Variants in WASF2 observed in about 807,000 individuals in gnomAD.
WASF2 encodes actin-binding protein WASF2.
WASF2 carries 14 observed loss-of-function variants against 45.0 expected under a neutral mutation model. That is an observed-to-expected ratio of 0.31 (90% CI 0.21 to 0.49). The LOEUF (loss-of-function observed/expected upper bound fraction) is 0.49. Ranked by LOEUF, WASF2 falls within the 20% of genes least tolerant of loss-of-function variation. The probability of loss-of-function intolerance (pLI) is 0.99; values close to 1 mark genes in which losing one functional copy is unlikely to be tolerated. For synonymous variants in WASF2, 200 were observed against 236.3 expected (o/e 0.85, Z 1.41); for missense variants, 439 against 636.1 (o/e 0.69, Z 3.33).
intron 2 of WASF2, among the ~76,000 whole-genome samples, chr1:27,420,555 C>G (rs767402788): frequency 5.9e-4 from 65 of 110,164 alleles, no homozygotes; most frequent in Non-Finnish European, 1.0e-3. Context: ...GAGTCTTGCT[C>G]TATCCCCCAG....
intron 1 of WASF2, among the ~76,000 whole-genome samples, chr1:27,486,566 C>T (rs1295076458): frequency 6.6e-6 from 1 of 152,118 alleles, no homozygotes; most frequent in Non-Finnish European, 1.5e-5. Context: ...TTTCAAGTGA[C>T]GGTGATATTT....
At chr1:27,420,469 A>C (rs2016890591) in intron 2 of WASF2, among the ~76,000 whole-genome samples, 1 of 149,840 alleles carries the variant, frequency 6.7e-6, no homozygotes, top group Non-Finnish European at 1.5e-5. Flanking sequence ...GCACATTCTT[A>C]CTAGGAATGA....
intron 1 of WASF2, among the ~76,000 whole-genome samples, chr1:27,454,183 A>ATTTTT (rs2017433113): frequency 1.2e-4 from 1 of 8,480 alleles, no homozygotes; most frequent in African/African-American, 3.0e-4. Context: ...ATATATATAT[A>ATTTTT]TATATTTTTT....
chr1:27,467,517 G>A (rs1489301564), intron 1 of WASF2, among the ~76,000 whole-genome samples: 1 of 149,748 alleles, frequency 6.7e-6, no homozygotes. Flanking sequence ...TAGCCAGGAT[G>A]GTCTCAATCT....
intron 1 of WASF2, among the ~76,000 whole-genome samples, chr1:27,479,336 G>A (rs2017814733): frequency 6.6e-6 from 1 of 151,632 alleles, no homozygotes; most frequent in South Asian, 2.1e-4. Context: ...CTGTAATCTT[G>A]GCAGCACCTT....
chr1:27,455,587 C>T (rs529145352), intron 1 of WASF2, among the ~76,000 whole-genome samples: 1 of 152,320 alleles, frequency 6.6e-6, no homozygotes, highest in Admixed American at 6.5e-5. Context: ...CTGGCCACAC[C>T]TTTCCAATGC....
At chr1:27,413,137 C>T (rs866176828) in intron 6 of WASF2, among the ~76,000 whole-genome samples, 1 of 152,288 alleles carries the variant, frequency 6.6e-6, no homozygotes. Context: ...GTGACTGGCA[C>T]ACAGACTGAT....
chr1:27,419,184 A>C, intron 2 of WASF2, 96 bp from the exon 3 acceptor site: 1 of 1,366,374 alleles, frequency 7.3e-7, no homozygotes, highest in Non-Finnish European at 1.0e-6. Flanking sequence ...TAACCCCCAA[A>C]CACATACATA....
At chr1:27,457,147 G>A (rs2017480223) in intron 1 of WASF2, 1 of 151,768 alleles carries the variant, frequency 6.6e-6, no homozygotes, top group Non-Finnish European at 1.5e-5. Context: ...GAATGTGCTG[G>A]GATTATAGGC....
chr1:27,470,683 G>A, intron 1 of WASF2, among the ~76,000 whole-genome samples: 1 of 152,088 alleles, frequency 6.6e-6, no homozygotes, highest in East Asian at 1.9e-4. Context: ...GGAGTGGGGT[G>A]GGCAGGAGAT....
At chr1:27,419,180 CCAAA>C in intron 2 of WASF2, 92 bp from the exon 3 acceptor site, 1 of 1,428,696 alleles carries the variant, frequency 7.0e-7, no homozygotes, top group African/African-American at 1.4e-5. Flanking sequence ...TCCCTAACCC[CCAAA>C]CACATACATA....
At chr1:27,432,676 C>T (rs777331182) in intron 1 of WASF2, among the ~76,000 whole-genome samples, 2 of 124,162 alleles carry the variant, frequency 1.6e-5, no homozygotes, top group African/African-American at 2.9e-5. Flanking sequence ...AAAAAAGAGG[C>T]AGTTATTTGT....
chr1:27,457,293 G>C (rs886839740), intron 1 of WASF2: 5 of 152,006 alleles, frequency 3.3e-5, no homozygotes, highest in Non-Finnish European at 2.9e-5. Context: ...TTGATTAGTA[G>C]GGTCGGGAGC....
chr1:27,459,840 A>AG (rs746696772), intron 1 of WASF2, among the ~76,000 whole-genome samples: 57 of 152,344 alleles, frequency 3.7e-4, no homozygotes, highest in South Asian at 4.1e-4. Flanking sequence ...GGAAGCAAAA[A>AG]GGTAGTTTGA....
intron 1 of WASF2, among the ~76,000 whole-genome samples, chr1:27,472,571 T>C (rs895396310): frequency 9.8e-5 from 14 of 143,058 alleles, no homozygotes; most frequent in Non-Finnish European, 1.5e-4. Flanking sequence ...GAGGCAGAGG[T>C]TGCAGTGAGC....
At chr1:27,423,475 C>T (rs2016936210) in intron 2 of WASF2, among the ~76,000 whole-genome samples, 1 of 152,132 alleles carries the variant, frequency 6.6e-6, no homozygotes, top group Non-Finnish European at 1.5e-5. Context: ...AGCCACTGTG[C>T]CCAGCCTAAA....
intron 1 of WASF2, among the ~76,000 whole-genome samples, chr1:27,450,441 C>G (rs1448456112): frequency 6.6e-6 from 1 of 152,156 alleles, no homozygotes; most frequent in East Asian, 1.9e-4. Flanking sequence ...CTCCTCAATA[C>G]TTTTGTCCCA....
At chr1:27,429,699 C>A (rs1312853859) in intron 1 of WASF2, among the ~76,000 whole-genome samples, 1 of 151,626 alleles carries the variant, frequency 6.6e-6, no homozygotes, top group African/African-American at 2.4e-5. Context: ...TTGCTTGAAC[C>A]CGGAAAGCAG....
At chr1:27,487,060 CAT>C (rs1384293859) in intron 1 of WASF2, among the ~76,000 whole-genome samples, 3 of 145,668 alleles carry the variant, frequency 2.1e-5, no homozygotes, top group Non-Finnish European at 3.0e-5. Context: ...TTATATATAA[CAT>C]ATATATAAAA....
Sources: allele counts gnomAD v4.1 joint callset (sites outside exome capture counted in the v4.1 genomes callset), GRCh38; gene constraint gnomAD v4.1.1; transcripts MANE v1.5; gene names NCBI Gene and HGNC (gene_info 2026-07-23, HGNC 2026-07-21).